The following CREB5 variants were observed in gnomAD, a reference collection of about 807,000 sequenced individuals.
CREB5 encodes the protein cyclic AMP-responsive element-binding protein 5.
In CREB5, 19 loss-of-function variants were observed where a neutral mutation model predicts 57.1. The ratio of observed to expected loss-of-function variants is 0.33; its 90% confidence interval spans 0.23 to 0.49. The LOEUF (loss-of-function observed/expected upper bound fraction) is 0.49. CREB5 is among the 20% of genes least tolerant of loss of function. The pLI is 0.99. For missense variants in CREB5, 579 were observed against 671.6 expected, an observed-to-expected ratio of 0.86 and a Z score of 1.52; for synonymous variants, 238 against 238.3, an observed-to-expected ratio of 1.00 and a Z score of 0.01.
chr7:28,561,578 A>G (rs142197211), intron 4 of CREB5, among the ~76,000 whole-genome samples: 1 of 152,334 alleles, frequency 6.6e-6, no homozygotes, highest in Non-Finnish European at 1.5e-5. Flanking sequence ...AATTGAGAAA[A>G]CTGAAGTACA....
intron 9 of CREB5, among the ~76,000 whole-genome samples, chr7:28,811,715 T>C (rs1349238593): frequency 2.0e-5 from 3 of 152,044 alleles, no homozygotes; most frequent in African/African-American, 7.2e-5. Flanking sequence ...TTGATGTGTA[T>C]TGAAAAATAT....
intron 1 of CREB5, among the ~76,000 whole-genome samples, chr7:28,302,531 A>G (rs1044091426): frequency 1.3e-5 from 2 of 152,162 alleles, no homozygotes; most frequent in African/African-American, 2.4e-5. Flanking sequence ...GAGATATTAG[A>G]TTTTGAATCC....
chr7:28,417,779 T>A (rs932581735), intron 1 of CREB5, among the ~76,000 whole-genome samples: 7 of 152,176 alleles, frequency 4.6e-5, no homozygotes, highest in African/African-American at 1.7e-4. Flanking sequence ...CAGCAAGCAG[T>A]TGTTACAAGC....
chr7:28,473,143 T>G (rs1374095590), intron 1 of CREB5, among the ~76,000 whole-genome samples: 1 of 151,954 alleles, frequency 6.6e-6, no homozygotes, highest in Non-Finnish European at 1.5e-5. Flanking sequence ...GGCAACATAG[T>G]GGGACCCCAT....
intron 5 of CREB5, among the ~76,000 whole-genome samples, chr7:28,630,471 C>T (rs1798160226): frequency 6.6e-6 from 1 of 152,128 alleles, no homozygotes; most frequent in Non-Finnish European, 1.5e-5. Context: ...TTTGGAAACC[C>T]ATGAATACTT....
chr7:28,817,870 C>T (rs1809530251), intron 9 of CREB5, among the ~76,000 whole-genome samples: 1 of 152,146 alleles, frequency 6.6e-6, no homozygotes, highest in Non-Finnish European at 1.5e-5. Flanking sequence ...AAAACCTAAG[C>T]TCTGCAGAAA....
rs549569495 is a variant in CREB5, at chr7:28,487,200, A to G, written c.4-975A>G. Reference sequence around the variant, plus strand: ...CCCGGCTAATTTTTGTATTTTGGGTAAAGATAGGGTTTCACCATGATGGCC... The same window carrying G: ...CCCGGCTAATTTTTGTATTTTGGGTGAAGATAGGGTTTCACCATGATGGCC... On this transcript the variant is annotated intron_variant, in intron 1 of 10. Coordinates refer to ENST00000357727, the MANE Select transcript of CREB5 (RefSeq NM_182898.4). 2.1e-3 allele frequency among the ~76,000 whole-genome samples: 325 copies of G among 152,182 alleles called. 1 individual carries two copies. The Middle Eastern group carries it at 0.054, about 25-fold the overall frequency.
chr7:28,660,127 AAT>A (rs1799542395), intron 5 of CREB5, among the ~76,000 whole-genome samples: 1 of 152,224 alleles, frequency 6.6e-6, no homozygotes, highest in Admixed American at 6.5e-5. Context: ...TGATGCCAAA[AAT>A]GTGCTGTGCA....
In CREB5 at chr7:28,668,870, C is replaced by T. The variant is rs144321577; in HGVS notation, c.465-49883C>T. On this transcript the variant is annotated intron_variant, in intron 5 of 10. Coordinates refer to ENST00000357727, the MANE Select transcript of CREB5 (RefSeq NM_182898.4). The stretch of plus-strand genomic sequence containing the variant: ...TCATCACAATGCTCTGTCCACGGCC[C>T]GCTGCTACCCTCCTCTTTCAGAGGC... 3.3e-3 allele frequency among the ~76,000 whole-genome samples: 502 copies of T among 152,256 alleles called. 4 individuals are homozygous for T. The highest frequency in any genetic ancestry group is 0.011 in the African/African-American group (463 of 41,562).
At chr7:28,758,653 T>C (rs1463431152) in intron 7 of CREB5, among the ~76,000 whole-genome samples, 1 of 152,214 alleles carries the variant, frequency 6.6e-6, no homozygotes, top group Non-Finnish European at 1.5e-5. Flanking sequence ...TAAACATGTT[T>C]ATATGCAATT....
intron 1 of CREB5, among the ~76,000 whole-genome samples, chr7:28,371,381 C>T (rs1416639546): frequency 1.3e-5 from 2 of 150,682 alleles, no homozygotes; most frequent in East Asian, 3.9e-4. Flanking sequence ...CCCAACTACT[C>T]GGGAGGTTGA....
At chr7:28,578,828 C>T (rs925960193) in intron 5 of CREB5, among the ~76,000 whole-genome samples, 1 of 152,228 alleles carries the variant, frequency 6.6e-6, no homozygotes. Context: ...ATTTTCTCTA[C>T]AATCATCTTT....
At chr7:28,736,326 C>T (rs962802690) in intron 7 of CREB5, among the ~76,000 whole-genome samples, 10 of 152,124 alleles carry the variant, frequency 6.6e-5, no homozygotes, top group East Asian at 5.8e-4. Context: ...TGCACCACCA[C>T]GCCCGGCTAA....
At chr7:28,560,911 TGTGCGTGTGTGC>T (rs1562797763) in intron 4 of CREB5, among the ~76,000 whole-genome samples, 80 of 35,994 alleles carry the variant, frequency 2.2e-3, no homozygotes, top group Non-Finnish European at 3.2e-3. Context: ...CGCGCGTGCG[TGTGCGTGTGTGC>T]GCGTGCGTGT....
chr7:28,641,499 T>C (rs1431983346), intron 5 of CREB5, among the ~76,000 whole-genome samples: 2 of 152,156 alleles, frequency 1.3e-5, no homozygotes, highest in East Asian at 3.9e-4. Context: ...TAGCACAAGG[T>C]TCTCCTGACT....
intron 1 of CREB5, among the ~76,000 whole-genome samples, chr7:28,358,543 T>C (rs1384724896): frequency 6.6e-6 from 1 of 152,258 alleles, no homozygotes; most frequent in Non-Finnish European, 1.5e-5. Flanking sequence ...GTTTTCTTTT[T>C]AGACTTTGCC....
At position 28,764,861 on chromosome 7, in the gene CREB5, G is replaced by A. The variant is rs1201076401; in HGVS notation, c.703-39338G>A. On this transcript the variant is annotated intron_variant, in intron 7 of 10. Transcript: ENST00000357727. ...TCTGAGAATAATGAGATTTAGAAGG[G>A]TCACTTTCACTTTGTTACCGTCTCA... is the stretch of plus-strand genomic sequence containing the variant. Among the ~76,000 whole-genome samples the A allele has an allele frequency of 2.0e-5, 3 of 152,152 alleles. No individual in the cohort carries two copies. The East Asian group carries it at 5.8e-4, about 29-fold the overall frequency.
At chr7:28,341,327 T>G (rs1785933074) in intron 1 of CREB5, among the ~76,000 whole-genome samples, 1 of 152,230 alleles carries the variant, frequency 6.6e-6, no homozygotes, top group Admixed American at 6.5e-5. Context: ...TGGAAAAATA[T>G]TCCATCATTT....
chr7:28,691,420 CAAAA>C (rs60338671), intron 5 of CREB5, among the ~76,000 whole-genome samples: 1 of 92,558 alleles, frequency 1.1e-5, no homozygotes. Flanking sequence ...ACTCTGTCTC[CAAAA>C]AAAAAAAAAA....
Sources: gnomAD v4.1 joint callset for allele counts (sites outside exome capture counted in the v4.1 genomes callset) on GRCh38, gnomAD v4.1.1 for gene constraint, MANE v1.5 for transcripts, NCBI Gene and HGNC (gene_info 2026-07-23, HGNC 2026-07-21) for gene names.